Variants in SPOCK1 observed in about 807,000 individuals in gnomAD.
SPOCK1 encodes SPARC (osteonectin), cwcv and kazal like domains proteoglycan 1, also known as testican-1.
SPOCK1 carries 23 observed loss-of-function variants against 55.3 expected under a neutral mutation model. That is an observed-to-expected ratio of 0.42 (90% CI 0.30 to 0.59). The LOEUF (loss-of-function observed/expected upper bound fraction) is 0.59, where lower values mean the gene tolerates loss of function less well. SPOCK1 is among the 20% of genes least tolerant of loss of function. The pLI is 0.22. For missense variants in SPOCK1, 499 were observed against 552.5 expected, an observed-to-expected ratio of 0.90 and a Z score of 0.97; for synonymous variants, 226 against 221.0, an observed-to-expected ratio of 1.02 and a Z score of -0.20.
At chr5:137,152,306 C>A (rs1318339135) in intron 3 of SPOCK1, among the ~76,000 whole-genome samples, 1 of 152,188 alleles carries the variant, frequency 6.6e-6, no homozygotes, top group East Asian at 1.9e-4. Context: ...TTGCTCACAA[C>A]CAGCTCTTTC....
intron 5 of SPOCK1, among the ~76,000 whole-genome samples, chr5:137,103,804 T>C (rs1368809325): frequency 6.6e-6 from 1 of 152,232 alleles, no homozygotes; most frequent in Non-Finnish European, 1.5e-5. Context: ...AACTAGTACA[T>C]GAACTCTATT....
chr5:137,281,664 T>C (rs537471579), intron 2 of SPOCK1, among the ~76,000 whole-genome samples: 3 of 152,274 alleles, frequency 2.0e-5, no homozygotes, highest in East Asian at 1.9e-4. Flanking sequence ...AAGATCCAAA[T>C]TGTGGCTCGA....
At chr5:137,079,543 C>CT (rs572128078) in intron 5 of SPOCK1, among the ~76,000 whole-genome samples, 3 of 147,836 alleles carry the variant, frequency 2.0e-5, no homozygotes, top group African/African-American at 7.6e-5. Context: ...TCCCCCCCCC[C>CT]CCGACTTAGT....
chr5:137,068,689 C>T (rs1486178021), intron 5 of SPOCK1, among the ~76,000 whole-genome samples: 1 of 152,194 alleles, frequency 6.6e-6, no homozygotes, highest in Non-Finnish European at 1.5e-5. Context: ...GGTTAAGTAA[C>T]TTGCAAAAGA....
At chr5:136,987,477 T>C (rs1027441126) in intron 8 of SPOCK1, among the ~76,000 whole-genome samples, 3 of 152,180 alleles carry the variant, frequency 2.0e-5, no homozygotes, top group South Asian at 2.1e-4. Context: ...TCATATATCT[T>C]TGGTGAAAGT....
intron 2 of SPOCK1, among the ~76,000 whole-genome samples, chr5:137,469,716 G>A (rs1381096760): frequency 3.3e-5 from 5 of 152,212 alleles, no homozygotes; most frequent in African/African-American, 7.2e-5. Flanking sequence ...TACACACCCC[G>A]TTCTCCTTGA....
intron 2 of SPOCK1, among the ~76,000 whole-genome samples, chr5:137,401,213 A>G (rs190333986): frequency 1.5e-4 from 23 of 152,360 alleles, no homozygotes; most frequent in African/African-American, 5.5e-4. Flanking sequence ...AACTGGAGGA[A>G]AAGTAATAGT....
intron 2 of SPOCK1, among the ~76,000 whole-genome samples, chr5:137,418,570 T>A (rs1330304579): frequency 6.6e-6 from 1 of 152,368 alleles, no homozygotes; most frequent in East Asian, 1.9e-4. Context: ...GATGAGCATT[T>A]TTTCATGTGT....
At chr5:136,986,402 A>T (rs541194118) in intron 8 of SPOCK1, among the ~76,000 whole-genome samples, 1 of 152,222 alleles carries the variant, frequency 6.6e-6, no homozygotes, top group Admixed American at 6.5e-5. Flanking sequence ...CAAACCTAAA[A>T]CTATCACTAG....
chr5:137,173,867 C>G (rs1174083170), intron 3 of SPOCK1, among the ~76,000 whole-genome samples: 1 of 152,204 alleles, frequency 6.6e-6, no homozygotes, highest in Non-Finnish European at 1.5e-5. Context: ...ATGCCTTAAA[C>G]AGTTACTAAA....
intron 6 of SPOCK1, among the ~76,000 whole-genome samples, chr5:137,018,239 C>T (rs1368191488): frequency 1.3e-5 from 2 of 152,154 alleles, no homozygotes; most frequent in African/African-American, 4.8e-5. Flanking sequence ...GGTTGAAAAA[C>T]CCTAGTGTAG....
rs1754780718 is a variant in SPOCK1 at position 137,172,932 on chromosome 5, A to G, written c.233-32238T>C. ...CAAAAGACAGACTACAAACCAGCTA[A>G]GCACATGGTTGACCAGGACACAAGT... is the stretch of plus-strand genomic sequence containing the variant. On this transcript the variant is annotated intron_variant, in intron 3 of 10. Coordinates refer to ENST00000394945, the MANE Select transcript of SPOCK1 (RefSeq NM_004598.4). 3.3e-5 allele frequency among the ~76,000 whole-genome samples: 5 copies of G among 152,220 alleles called. No homozygotes were observed. In the South Asian group the frequency reaches 1.0e-3, roughly 32 times the overall value.
At chr5:136,992,806 C>A (rs946927259) in intron 6 of SPOCK1, 3 of 462,430 alleles carry the variant, frequency 6.5e-6, no homozygotes, top group Non-Finnish European at 7.6e-6. Flanking sequence ...GGGCAAGCAG[C>A]CTTTGTTCAG....
chr5:137,338,380 G>T (rs1196965527), intron 2 of SPOCK1, among the ~76,000 whole-genome samples: 3 of 151,974 alleles, frequency 2.0e-5, no homozygotes. Flanking sequence ...AGTATTCCAT[G>T]GTGTATATGT....
chr5:137,273,601 G>A (rs1010787175), intron 2 of SPOCK1, among the ~76,000 whole-genome samples: 7 of 152,204 alleles, frequency 4.6e-5, no homozygotes, highest in Non-Finnish European at 1.0e-4. Flanking sequence ...AGGTTATGGG[G>A]TAGAATAACT....
At chr5:137,428,324 A>C (rs1048592191) in intron 2 of SPOCK1, among the ~76,000 whole-genome samples, 5 of 152,204 alleles carry the variant, frequency 3.3e-5, no homozygotes, top group African/African-American at 1.2e-4. Flanking sequence ...AGACACAGTC[A>C]CATCACTAGG....
intron 2 of SPOCK1, 122 bp from the exon 3 acceptor site, chr5:137,267,177 A>AT: frequency 2.5e-6 from 2 of 785,596 alleles, no homozygotes; most frequent in Non-Finnish European, 4.2e-6. Flanking sequence ...AAGCTTAGAA[A>AT]TTTTTCCCAA....
intron 2 of SPOCK1, among the ~76,000 whole-genome samples, chr5:137,393,588 C>G (rs1751775749): frequency 6.6e-6 from 1 of 152,198 alleles, no homozygotes; most frequent in Non-Finnish European, 1.5e-5. Flanking sequence ...GTTCACAGCA[C>G]ATTAGAAAGG....
chr5:137,302,563 T>A (rs889407136), intron 2 of SPOCK1, among the ~76,000 whole-genome samples: 1 of 149,604 alleles, frequency 6.7e-6, no homozygotes, highest in African/African-American at 2.5e-5. Context: ...GGCAACAGAG[T>A]GAGACTCCAT....
Sources: gnomAD v4.1 joint callset for allele counts (sites outside exome capture counted in the v4.1 genomes callset) on GRCh38, gnomAD v4.1.1 for gene constraint, MANE v1.5 for transcripts, NCBI Gene and HGNC (gene_info 2026-07-23, HGNC 2026-07-21) for gene names.